Variants in MNT observed in about 807,000 individuals in gnomAD.
The protein encoded by MNT is max-binding protein MNT.
Under a neutral mutation model 40.7 loss-of-function variants are expected in MNT, and 13 were observed. The observed-to-expected ratio is 0.32, with a 90% CI of 0.21 to 0.51. The LOEUF (loss-of-function observed/expected upper bound fraction) is 0.51, where lower values mean the gene tolerates loss of function less well. Among genes scored for constraint, MNT ranks in the 20% least tolerant of loss-of-function variants. The pLI is 0.98. For missense variants in MNT, 757 were observed against 792.0 expected, an observed-to-expected ratio of 0.96 and a Z score of 0.53; for synonymous variants, 426 against 354.8, an observed-to-expected ratio of 1.20 and a Z score of -2.26.
At chr17:2,394,428 T>C in intron 2 of MNT, 82 bp from the exon 3 acceptor site, 1 of 1,594,866 alleles carries the variant, frequency 6.3e-7, no homozygotes, top group Non-Finnish European at 8.6e-7. Flanking sequence ...CCCGCAAAAT[T>C]GCCACAGGCT....
Position 2,395,283 on chromosome 17 carries a change from G to C in MNT, c.245C>G (p.Thr82Ser). The change falls in exon 2 of 6, where the codon ACC becomes AGC. Residue 82 changes from threonine (T) to serine (S), a missense_variant. By Grantham distance (58) the Thr-to-Ser change is moderately conservative. Transcript: ENST00000174618. ...AGGGATGACAGTCAGTGGGGCAGGG[G>C]TGGCAAGTGGTGGTGGGGGTGCCGG... The part of the protein sequence containing the change: ...PPPAPPPPLA[T>S]PAPLTVIPIP... 6.4e-7 allele frequency: 1 copy of C among 1,565,242 alleles called. No homozygotes were observed. The highest frequency in any genetic ancestry group is 8.7e-7 in the Non-Finnish European group (1 of 1,150,848).
rs1297127046 is a variant in MNT at position 2,386,843 on chromosome 17, G to C, written c.*58C>G. On this transcript the variant is annotated 3_prime_UTR_variant, in exon 6 of 6. Coordinates refer to ENST00000174618, the MANE Select transcript of MNT (RefSeq NM_020310.3). ...GAATGTGTGGAGCTGGTGGGTGAGA[G>C]AGTGGGGGACAGGTCCCCCTCCCTG... The C allele has an allele frequency of 1.0e-5, 15 of 1,428,892 alleles. No homozygotes were observed. Among genetic ancestry groups the C allele is most frequent in the Non-Finnish European group, 1.4e-5 (15 of 1,084,656 alleles). The allele number at this position is 1,428,892 out of a possible 1,614,324, so 88.5% of individuals were successfully genotyped here. A position where few individuals can be genotyped will look rare whatever the true frequency, so the allele number is the denominator to read the frequency against.
chr17:2,387,464 G>A lies in MNT; in HGVS notation c.1186C>T (p.Leu396Phe). The change falls in exon 6 of 6, where the codon CTC becomes TTC. Residue 396 changes from leucine to phenylalanine, a missense_variant. Around this residue, in one of 4 missense-constraint regions of MNT, gnomAD observed 345 missense variants for 380.1 expected, o/e 0.91. Coordinates refer to ENST00000174618, the MANE Select transcript of MNT (RefSeq NM_020310.3). ...TGTGGCTGCTGCTGCTGCACGGGGAGGTGGGCAGGAGGTAGGGCCACGGAG... is the reference window on the plus strand; with the variant it reads ...TGTGGCTGCTGCTGCTGCACGGGGAAGTGGGCAGGAGGTAGGGCCACGGAG... ...PHSVALPPAH[L>F]PVQQQQPQQK... 1 of 1,611,914 alleles carries A rather than the reference G, an allele frequency of 6.2e-7. No individual in the cohort carries two copies. The highest frequency in any genetic ancestry group is 1.1e-5 in the South Asian group (1 of 90,948).
Position 2,394,899 on chromosome 17 carries a change from C to T in MNT, c.629G>A (p.Ser210Asn). Residue 210 changes from serine (S) to asparagine (N), a missense_variant, in exon 2 of 6, where the codon AGT becomes AAT. By Grantham distance (46) the Ser-to-Asn change is conservative. This residue lies in a region of MNT where 335 missense variants were observed against 291.4 expected (regional missense o/e 1.15). Transcript: ENST00000174618. The stretch of plus-strand genomic sequence containing the variant: ...CCCCCCGGGCCTCTTCTTCTGTTCA[C>T]TGGATTTGACTTCTTCAGCTGGTGC... ...KLAPAEEVKS[S>N]EQKKRPGGIG... 6.3e-7 allele frequency: 1 copy of T among 1,598,438 alleles called. No homozygotes were observed. The highest frequency in any genetic ancestry group is 1.1e-5 in the South Asian group (1 of 88,768).
Position 2,394,357 on chromosome 17 carries a change from G to A in MNT, c.654-11C>T. On this transcript the variant is annotated splice_polypyrimidine_tract_variant and intron_variant, in intron 2 of 5. Transcript: ENST00000174618. The stretch of plus-strand genomic sequence containing the variant: ...TCTCTGGTTCCGATCCTGAAACCCA[G>A]ACAGATAGGAGGCTCAGGGAGGAGG... The A allele has an allele frequency of 6.2e-7, 1 of 1,613,820 alleles. No homozygotes were observed. Among genetic ancestry groups the A allele is most frequent in the Non-Finnish European group, 8.5e-7 (1 of 1,179,978 alleles).
chr17:2,387,945 G>A lies in MNT; in HGVS notation c.912C>T (p.Ser304=), dbSNP rs991862315. ...QRLAELKHEL[S]QWMDVLEIDR... ...CAATCTCCAGTACGTCCATCCACTGGCTCAGCTCGTGCTTGAGCTCTGCCA... is the reference window on the plus strand; with the variant it reads ...CAATCTCCAGTACGTCCATCCACTGACTCAGCTCGTGCTTGAGCTCTGCCA... Residue 304 remains serine, a synonymous_variant, in exon 5 of 6, where the codon AGC becomes AGT. Transcript: ENST00000174618. 13 of 1,609,074 alleles carry A rather than the reference G, an allele frequency of 8.1e-6. No individual in the cohort carries two copies. Among genetic ancestry groups the A allele is most frequent in the Admixed American group, 6.7e-5 (4 of 59,768 alleles).
rs2066463031 is a variant in MNT at position 2,386,483 on chromosome 17, G to A, written c.*418C>T. On this transcript the variant is annotated 3_prime_UTR_variant, in exon 6 of 6. Transcript: ENST00000174618. Reference sequence around the variant, plus strand: ...CCAAAGGCCTGGGAAGAGAACATGAGGCTCCGGAGGAAAGCCGGGGGCCTG... The same window carrying A: ...CCAAAGGCCTGGGAAGAGAACATGAAGCTCCGGAGGAAAGCCGGGGGCCTG... The A allele has an allele frequency of 5.4e-6, 1 of 185,402 alleles. No homozygotes were observed. Among genetic ancestry groups the A allele is most frequent in the Non-Finnish European group, 1.1e-5 (1 of 90,048 alleles). 11.5% of individuals were successfully genotyped at this position (185,402 alleles called of 1,614,324 possible). A position where few individuals can be genotyped will look rare whatever the true frequency, so the allele number is the denominator to read the frequency against.
rs774592765 is a variant in MNT at position 2,400,655 on chromosome 17, G to C, written c.58C>G (p.Gln20Glu). ...GGCCGCTCACCACGTGCTCTCTGTT[G>C]TTGCTGCGCTTGCCATTCCAGGAAG... The part of the protein sequence containing the change: ...ARFLEWQAQQ[Q>E]QRAREEQERL... The change falls in exon 1 of 6, where the codon CAA becomes GAA. Residue 20 changes from glutamine to glutamate, a missense_variant. Physicochemically the swap from Gln to Glu is conservative, Grantham distance 29. Coordinates refer to ENST00000174618, the MANE Select transcript of MNT (RefSeq NM_020310.3). 4 of 1,586,402 alleles carry C rather than the reference G, an allele frequency of 2.5e-6. No individual in the cohort carries two copies. The highest frequency in any genetic ancestry group is 3.4e-6 in the Non-Finnish European group (4 of 1,169,768).
At chr17:2,398,637 C>G (rs769725827) in intron 1 of MNT, among the ~76,000 whole-genome samples, 2 of 152,214 alleles carry the variant, frequency 1.3e-5, no homozygotes, top group Non-Finnish European at 2.9e-5. Flanking sequence ...GACCTCTGAC[C>G]GGCACACAGA....
At position 2,387,116 on chromosome 17, in the gene MNT, G is replaced by A; in HGVS notation, c.1534C>T (p.Pro512Ser). The A allele has an allele frequency of 6.3e-7, 1 of 1,588,160 alleles. No individual in the cohort carries two copies. ...ATGTGGCTCACTGCCACGGGCTGCG[G>A]GTACAAGGGCAGCTGGGAGCCCAGG... ...AHLGSQLPLY[P>S]QPVAVSHIAH... Residue 512 changes from proline to serine, a missense_variant, in exon 6 of 6, where the codon CCG (proline) becomes TCG (serine). This residue lies in a region of MNT where 345 missense variants were observed against 380.1 expected (regional missense o/e 0.91). Coordinates refer to ENST00000174618, the MANE Select transcript of MNT (RefSeq NM_020310.3).
chr17:2,397,188 G>C (rs1193247270), intron 1 of MNT, among the ~76,000 whole-genome samples: 4 of 152,230 alleles, frequency 2.6e-5, no homozygotes, highest in Non-Finnish European at 4.4e-5. Context: ...GGCCGGTGCA[G>C]GCCTGCTCCA....
At chr17:2,397,635 G>A (rs118138506) in intron 1 of MNT, among the ~76,000 whole-genome samples, 1,727 of 152,172 alleles carry the variant, frequency 0.011, 17 homozygotes, top group Non-Finnish European at 0.018. Context: ...CACCTCACAG[G>A]TGCCAGGAAG....
intron 5 of MNT, 73 bp from the exon 6 acceptor site, chr17:2,387,722 G>C: frequency 6.3e-7 from 1 of 1,582,010 alleles, no homozygotes; most frequent in Non-Finnish European, 8.6e-7. Flanking sequence ...AGATGCTCGT[G>C]GGGGCGTGGG....
At chr17:2,399,312 G>C (rs754383965) in intron 1 of MNT, among the ~76,000 whole-genome samples, 2 of 152,140 alleles carry the variant, frequency 1.3e-5, no homozygotes, top group African/African-American at 4.8e-5. Flanking sequence ...CCAACAGGGC[G>C]CGTGAAGATA....
At chr17:2,397,402 C>G (rs1055764291) in intron 1 of MNT, among the ~76,000 whole-genome samples, 15 of 152,146 alleles carry the variant, frequency 9.9e-5, no homozygotes, top group Non-Finnish European at 1.8e-4. Flanking sequence ...TGCCTCCATT[C>G]CTTTGGCTGA....
rs773926431 is a variant in MNT at position 2,394,163 on chromosome 17, AG to A, written c.696-10del. 1 of 1,556,776 alleles carries A rather than the reference AG, an allele frequency of 6.4e-7. No individual in the cohort carries two copies. The highest frequency in any genetic ancestry group is 1.1e-5 in the South Asian group (1 of 88,918). ...CTTTCAGATGGGCCCTCCTGAAGAG[AG>A]GGGCGAGCGCCGGTCAGCGGTGCCT... On this transcript the variant is annotated splice_polypyrimidine_tract_variant and intron_variant, in intron 3 of 5. Coordinates refer to ENST00000174618, the MANE Select transcript of MNT (RefSeq NM_020310.3).
At chr17:2,395,477 G>A (rs1167120413) in intron 1 of MNT, 23 bp from the exon 2 acceptor site, 3 of 1,608,568 alleles carry the variant, frequency 1.9e-6, no homozygotes, top group East Asian at 4.5e-5. Flanking sequence ...AACACAAGGG[G>A]GGGAGGGTCT....
At chr17:2,390,010 G>A (rs1408825719) in intron 4 of MNT, 1 of 151,806 alleles carries the variant, frequency 6.6e-6, no homozygotes, top group Non-Finnish European at 1.5e-5. Flanking sequence ...CAGTAAATAC[G>A]AGGCTGAAAG....
In MNT at chr17:2,386,563, G is replaced by A. The variant is rs900833462; in HGVS notation, c.*338C>T. Reference sequence around the variant, plus strand: ...GCAGCACACGAAGGCGGGGCAGGGCGGGGGAGAAGTCAGGGAGCGTGACGT... The same window carrying A: ...GCAGCACACGAAGGCGGGGCAGGGCAGGGGAGAAGTCAGGGAGCGTGACGT... On this transcript the variant is annotated 3_prime_UTR_variant, in exon 6 of 6. Coordinates refer to ENST00000174618, the MANE Select transcript of MNT (RefSeq NM_020310.3). 7 of 277,774 alleles carry A rather than the reference G, an allele frequency of 2.5e-5. No homozygotes were observed. Among genetic ancestry groups the A allele is most frequent in the South Asian group, 1.3e-4 (1 of 7,998 alleles). The allele number at this position is 277,774 out of a possible 1,614,324, so 17.2% of individuals were successfully genotyped here.
Sources: allele counts gnomAD v4.1 joint callset (sites outside exome capture counted in the v4.1 genomes callset), GRCh38; gene constraint gnomAD v4.1.1; regional missense constraint gnomAD v4.1.1; transcripts MANE v1.5; gene names NCBI Gene and HGNC (gene_info 2026-07-23, HGNC 2026-07-21).